Variants in METTL15 observed in about 807,000 individuals in gnomAD.
METTL15 encodes methyltransferase 15, mitochondrial 12S rRNA N4-cytidine.
A neutral mutation model predicts 38.3 loss-of-function variants in METTL15; 34 were observed. That is an observed-to-expected ratio of 0.89 (90% CI 0.68 to 1.18). The LOEUF is 1.18. Ranked by LOEUF, METTL15 falls within the 50% of genes most tolerant of loss-of-function variation. The probability of loss-of-function intolerance (pLI) is 0.00; values close to 1 mark genes in which losing one functional copy is unlikely to be tolerated. For missense variants in METTL15, 438 were observed against 498.4 expected, an observed-to-expected ratio of 0.88 and a Z score of 1.15; for synonymous variants, 162 against 170.9, an observed-to-expected ratio of 0.95 and a Z score of 0.41.
intron 6 of METTL15, among the ~76,000 whole-genome samples, chr11:28,516,647 A>C (rs1851722229): frequency 6.6e-6 from 1 of 152,220 alleles, no homozygotes; most frequent in Non-Finnish European, 1.5e-5. Context: ...GAGGAGATAA[A>C]CACAGAAATA....
At position 28,411,136 on chromosome 11, in the gene METTL15, TAAG is replaced by T. The variant is rs1380204045; in HGVS notation, c.*359-13157_*359-13155del. Among the ~76,000 whole-genome samples, 3 of 151,982 alleles carry T rather than the reference TAAG, an allele frequency of 2.0e-5. No homozygotes were observed. The East Asian group carries it at 5.8e-4, about 29-fold the overall frequency. ...GGAAAGGTATATCAATGTTCATGAA[TAAG>T]AAGAATTAATATTGTTAATATATTC... On this transcript the variant is annotated intron_variant and NMD_transcript_variant, in intron 5 of 7. Coordinates refer to the METTL15 transcript ENST00000532947.
chr11:28,342,463 A>C (rs1306185377), intron 3 of METTL15, among the ~76,000 whole-genome samples: 1 of 149,642 alleles, frequency 6.7e-6, no homozygotes, highest in African/African-American at 2.5e-5. Context: ...GGGTTTCTCT[A>C]TGTTGCCCAG....
chr11:28,261,903 A>T (rs1855220132), intron 4 of METTL15, among the ~76,000 whole-genome samples: 1 of 152,328 alleles, frequency 6.6e-6, no homozygotes, highest in South Asian at 2.1e-4. Context: ...AACCACATAG[A>T]CCACTATTGC....
intron 6 of METTL15, among the ~76,000 whole-genome samples, chr11:28,487,130 G>A (rs188948741): frequency 5.7e-4 from 87 of 152,086 alleles, no homozygotes; most frequent in African/African-American, 2.0e-3. Flanking sequence ...GCCTTTCTGG[G>A]GGGCAATTTG....
chr11:28,279,859 A>G (rs1469296388), intron 4 of METTL15, among the ~76,000 whole-genome samples: 1 of 150,832 alleles, frequency 6.6e-6, no homozygotes, highest in Non-Finnish European at 1.5e-5. Context: ...ACATCACGCC[A>G]TTGCACTCCA....
chr11:28,502,100 C>CAAA lies in METTL15; in HGVS notation c.*425-24366_*425-24364dup, dbSNP rs371738355. The stretch of plus-strand genomic sequence containing the variant: ...TGGGCAGCAGGGCAAGACTCTGTCT[C>CAAA]AAAAAAAAAAAAAAGAAAAAAAAAG... On this transcript the variant is annotated intron_variant and NMD_transcript_variant, in intron 6 of 7. Transcript: ENST00000532947. Among the ~76,000 whole-genome samples the CAAA allele has an allele frequency of 1.3e-3, 158 of 121,036 alleles. 1 individual carries two copies. Among genetic ancestry groups the CAAA allele is most frequent in the African/African-American group, 3.5e-3 (110 of 31,234 alleles). 79.4% of individuals were successfully genotyped at this position (121,036 alleles called of 152,430 possible).
chr11:28,460,341 C>T (rs894631340), intron 6 of METTL15, among the ~76,000 whole-genome samples: 9 of 152,032 alleles, frequency 5.9e-5, no homozygotes, highest in Non-Finnish European at 1.2e-4. Flanking sequence ...ATCTAACTTT[C>T]CTCCATTGTT....
chr11:28,221,345 G>T (rs959710939), intron 4 of METTL15, among the ~76,000 whole-genome samples: 1 of 152,122 alleles, frequency 6.6e-6, no homozygotes, highest in Non-Finnish European at 1.5e-5. Context: ...TGATCCAGTT[G>T]ATCGAATCGG....
chr11:28,127,495 T>C (rs2133621983), intron 3 of METTL15, among the ~76,000 whole-genome samples: 1 of 152,108 alleles, frequency 6.6e-6, no homozygotes, highest in South Asian at 2.1e-4. Flanking sequence ...GAAGCTGGAG[T>C]GAAAGGTAAA....
At chr11:28,290,818 G>T (rs1433148962) in intron 5 of METTL15, among the ~76,000 whole-genome samples, 1 of 149,460 alleles carries the variant, frequency 6.7e-6, no homozygotes, top group Non-Finnish European at 1.5e-5. Context: ...AAAAAAAAAG[G>T]CAAGATCCTA....
chr11:28,205,371 C>A (rs1262911031), intron 3 of METTL15, among the ~76,000 whole-genome samples: 1 of 148,672 alleles, frequency 6.7e-6, no homozygotes, highest in Non-Finnish European at 1.5e-5. Context: ...TTTTTTTGTT[C>A]TTGCAATAGT....
chr11:28,408,179 ACAT>A (rs1224674113), intron 5 of METTL15, among the ~76,000 whole-genome samples: 2 of 152,132 alleles, frequency 1.3e-5, no homozygotes, highest in Non-Finnish European at 2.9e-5. Flanking sequence ...GGTGGGGGAA[ACAT>A]CATGATAAAT....
chr11:28,492,199 T>A (rs1182914276), intron 6 of METTL15, among the ~76,000 whole-genome samples: 2 of 152,192 alleles, frequency 1.3e-5, no homozygotes, highest in Non-Finnish European at 2.9e-5. Context: ...AGGGCTAGTC[T>A]AAGCTTTGTA....
chr11:28,161,216 A>G (rs1351621479), intron 3 of METTL15, among the ~76,000 whole-genome samples: 1 of 147,018 alleles, frequency 6.8e-6, no homozygotes, highest in Admixed American at 7.2e-5. Flanking sequence ...GCTGCCTCCC[A>G]GGTTCAGGTG....
intron 3 of METTL15, among the ~76,000 whole-genome samples, chr11:28,142,340 G>A (rs1488167815): frequency 1.3e-5 from 2 of 152,076 alleles, no homozygotes; most frequent in African/African-American, 4.8e-5. Flanking sequence ...CAGGGAAACA[G>A]CACAATAAAA....
intron 5 of METTL15, among the ~76,000 whole-genome samples, chr11:28,411,554 A>G (rs746541421): frequency 7.2e-5 from 11 of 152,044 alleles, no homozygotes; most frequent in Non-Finnish European, 1.0e-4. Context: ...ATGAAATTCA[A>G]CCCTTAGATC....
At chr11:28,505,198 TAAC>T (rs1242924816) in intron 6 of METTL15, among the ~76,000 whole-genome samples, 3 of 151,056 alleles carry the variant, frequency 2.0e-5, no homozygotes, top group African/African-American at 7.4e-5. Flanking sequence ...GTGTTTTTTT[TAAC>T]ATAGAGATTC....
chr11:28,391,290 G>T (rs1204272647), intron 5 of METTL15, among the ~76,000 whole-genome samples: 1 of 151,990 alleles, frequency 6.6e-6, no homozygotes, highest in Non-Finnish European at 1.5e-5. Flanking sequence ...GTGAGAGAGG[G>T]CATCCGTGTC....
intron 3 of METTL15, among the ~76,000 whole-genome samples, chr11:28,187,652 A>G (rs1272627120): frequency 6.6e-6 from 1 of 150,792 alleles, no homozygotes; most frequent in East Asian, 1.9e-4. Context: ...AGGGAAAAAT[A>G]TATGTATGCA....
Sources: gnomAD v4.1 joint callset for allele counts (sites outside exome capture counted in the v4.1 genomes callset) on GRCh38, gnomAD v4.1.1 for gene constraint, MANE v1.5 for transcripts, NCBI Gene and HGNC (gene_info 2026-07-23, HGNC 2026-07-21) for gene names.